EIF2AK2: variants seen among roughly 807,000 people sequenced by gnomAD.
EIF2AK2 encodes eukaryotic translation initiation factor 2 alpha kinase 2.
EIF2AK2 carries 40 observed loss-of-function variants against 70.5 expected under a neutral mutation model. The ratio of observed to expected loss-of-function variants is 0.57; its 90% confidence interval spans 0.44 to 0.74. EIF2AK2 has a LOEUF of 0.74. Among genes scored for constraint, EIF2AK2 ranks in the 30% least tolerant of loss-of-function variants. The pLI is 0.00. For missense variants in EIF2AK2, 555 were observed against 644.3 expected, an observed-to-expected ratio of 0.86 and a Z score of 1.50; for synonymous variants, 198 against 220.9, an observed-to-expected ratio of 0.90 and a Z score of 0.92.
chr2:37,116,573 G>A (rs1674349002), intron 13 of EIF2AK2, among the ~76,000 whole-genome samples: 1 of 152,226 alleles, frequency 6.6e-6, no homozygotes, highest in African/African-American at 2.4e-5. Context: ...CCCAGGGAAG[G>A]CTGAAGGAGG....
At chr2:37,116,608 T>C (rs1307797274) in intron 13 of EIF2AK2, among the ~76,000 whole-genome samples, 1 of 152,184 alleles carries the variant, frequency 6.6e-6, no homozygotes, top group Non-Finnish European at 1.5e-5. Flanking sequence ...CAGCTTGAGA[T>C]GACGGCTCAT....
intron 1 of EIF2AK2, among the ~76,000 whole-genome samples, chr2:37,151,217 A>G (rs775497260): frequency 5.9e-5 from 9 of 152,206 alleles, no homozygotes; most frequent in Non-Finnish European, 8.8e-5. Context: ...TAGTAACCAG[A>G]TATATAAAGA....
In EIF2AK2 at chr2:37,113,667, A is replaced by C. The variant is rs79750928; in HGVS notation, c.1377+1064T>G. Among the ~76,000 whole-genome samples, 439 of 152,276 alleles carry C rather than the reference A, an allele frequency of 2.9e-3. 5 individuals carry two copies. Among genetic ancestry groups the C allele is most frequent in the African/African-American group, 0.01 (422 of 41,566 alleles). On this transcript the variant is annotated intron_variant, in intron 14 of 16. Coordinates refer to ENST00000233057, the MANE Select transcript of EIF2AK2 (RefSeq NM_001135651.3). Reference sequence around the variant, plus strand: ...ACAAGAAAATGAGAACTTAATTATGAGAAATTGGGAAAGGATATGAGTAGA... The same window carrying C: ...ACAAGAAAATGAGAACTTAATTATGCGAAATTGGGAAAGGATATGAGTAGA...
rs371033727 is a variant in EIF2AK2 at position 37,109,200 on chromosome 2, T to C, written c.1473A>G (p.Thr491=). Residue 491 remains threonine (T), a synonymous_variant, in exon 15 of 17, where the codon ACA becomes ACG. Transcript: ENST00000233057. ...TTCTTTGAGATAATTTTACCTTTGA[T>C]GTTTCAAAAGCAGTGTCACATACAT... ...LLHVCDTAFE[T]SKFFTDLRDG... 2.5e-6 allele frequency: 4 copies of C among 1,613,924 alleles called. No individual in the cohort carries two copies. In the South Asian group the frequency reaches 4.4e-5, roughly 18 times the overall value.
intron 13 of EIF2AK2, among the ~76,000 whole-genome samples, chr2:37,117,162 G>C (rs536623157): frequency 5.4e-5 from 8 of 148,144 alleles, no homozygotes; most frequent in Non-Finnish European, 1.2e-4. Context: ...GCAGTGAGCC[G>C]AGATCACTCC....
chr2:37,145,495 TAAG>T (rs1006318770), intron 4 of EIF2AK2, among the ~76,000 whole-genome samples: 1 of 152,186 alleles, frequency 6.6e-6, no homozygotes, highest in African/African-American at 2.4e-5. Flanking sequence ...ATGTTAAAAA[TAAG>T]AAGTTTATAA....
At chr2:37,145,343 G>A (rs150379505) in intron 4 of EIF2AK2, among the ~76,000 whole-genome samples, 4,496 of 151,944 alleles carry the variant, frequency 0.03, 95 homozygotes, top group Middle Eastern at 0.054. Flanking sequence ...GGGTTTCACC[G>A]TGTTGGCCAG....
intron 15 of EIF2AK2, among the ~76,000 whole-genome samples, chr2:37,108,351 G>A (rs768398973): frequency 1.3e-5 from 2 of 151,704 alleles, no homozygotes; most frequent in Admixed American, 6.6e-5. Flanking sequence ...GTACATTCCC[G>A]CCTCCATGCT....
intron 13 of EIF2AK2, among the ~76,000 whole-genome samples, 162 bp downstream of exon 13, chr2:37,119,797 G>C (rs1674472376): frequency 6.6e-6 from 1 of 151,646 alleles, no homozygotes; most frequent in East Asian, 1.9e-4. Flanking sequence ...TCACCATGTT[G>C]GCCAGACTGG....
chr2:37,153,488 G>C (rs1224623467), intron 1 of EIF2AK2, among the ~76,000 whole-genome samples: 5 of 151,554 alleles, frequency 3.3e-5, no homozygotes, highest in African/African-American at 1.2e-4. Context: ...CATAGGCGTG[G>C]GCATGCCTGG....
chr2:37,154,976 T>C (rs4670665), intron 1 of EIF2AK2, among the ~76,000 whole-genome samples: 62,335 of 151,252 alleles, frequency 0.41, 13,593 homozygotes, highest in East Asian at 0.77. Flanking sequence ...TCTAACTTCC[T>C]CTTTTCTAGA....
intron 3 of EIF2AK2, 88 bp from the exon 4 acceptor site, chr2:37,147,061 C>T: frequency 7.6e-7 from 1 of 1,308,684 alleles, no homozygotes; most frequent in South Asian, 1.4e-5. Context: ...CCTCCTATGA[C>T]TACCTTTGAG....
chr2:37,117,758 A>AACCCCTATGTCCCTT (rs1459188387), intron 13 of EIF2AK2, among the ~76,000 whole-genome samples: 1 of 152,144 alleles, frequency 6.6e-6, no homozygotes, highest in African/African-American at 2.4e-5. Flanking sequence ...TCACTCCAGA[A>AACCCCTATGTCCCTT]ACCCCTATGT....
chr2:37,141,448 G>A, intron 5 of EIF2AK2, 105 bp downstream of exon 5: 1 of 1,361,562 alleles, frequency 7.3e-7, no homozygotes, highest in Non-Finnish European at 1.0e-6. Flanking sequence ...CTTGCATACA[G>A]AATGCTTAAA....
chr2:37,113,618 T>C (rs556709686), intron 14 of EIF2AK2, among the ~76,000 whole-genome samples: 9 of 149,634 alleles, frequency 6.0e-5, no homozygotes, highest in Admixed American at 1.3e-4. Context: ...ACACCCAATA[T>C]AGATCAAGAT....
intron 1 of EIF2AK2, among the ~76,000 whole-genome samples, chr2:37,154,627 C>T (rs1448873601): frequency 6.6e-6 from 1 of 152,112 alleles, no homozygotes; most frequent in Non-Finnish European, 1.5e-5. Flanking sequence ...ATGGTGGCAT[C>T]TCGGCTCGCT....
At position 37,106,438 on chromosome 2, in the gene EIF2AK2, A is replaced by AT. The variant is rs1450548075; in HGVS notation, c.*834dup. The AT allele has an allele frequency of 2.0e-5, 3 of 152,110 alleles. No individual in the cohort carries two copies. The highest frequency in any genetic ancestry group is 2.9e-5 in the Non-Finnish European group (2 of 68,026). The allele number at this position is 152,110 out of a possible 1,614,324, so 9.4% of individuals were successfully genotyped here. On this transcript the variant is annotated 3_prime_UTR_variant, in exon 17 of 17. Coordinates refer to ENST00000233057, the MANE Select transcript of EIF2AK2 (RefSeq NM_001135651.3). ...ATGGTTGTTCCCTGTTCTTTTGGCT[A>AT]TTATAAACAGGGTTTTATGGACATT...
chr2:37,120,992 G>A (rs1171616870), intron 12 of EIF2AK2, among the ~76,000 whole-genome samples: 2 of 148,754 alleles, frequency 1.3e-5, no homozygotes, highest in Non-Finnish European at 3.0e-5. Context: ...GGCCGGGCGC[G>A]GTGGCTCACG....
At chr2:37,132,668 TTTC>T (rs2148693002) in intron 10 of EIF2AK2, among the ~76,000 whole-genome samples, 1 of 152,260 alleles carries the variant, frequency 6.6e-6, no homozygotes, top group South Asian at 2.1e-4. Flanking sequence ...CTCTACAACA[TTTC>T]TTAAGTTCCC....
Sources: allele counts gnomAD v4.1 joint callset (sites outside exome capture counted in the v4.1 genomes callset), GRCh38; gene constraint gnomAD v4.1.1; transcripts MANE v1.5; gene names NCBI Gene and HGNC (gene_info 2026-07-23, HGNC 2026-07-21).